Variants in C3orf49 observed in about 807,000 individuals in gnomAD.
C3orf49 encodes the protein putative uncharacterized protein C3orf49.
A neutral mutation model predicts 13.3 loss-of-function variants in C3orf49; 27 were observed. The observed-to-expected ratio is 2.02, with a 90% CI of 1.49 to 2.79. The LOEUF is 2.79. Ranked by LOEUF, C3orf49 falls within the 30% of genes most tolerant of loss-of-function variation. The probability of loss-of-function intolerance (pLI) is 0.00; values close to 1 mark genes in which losing one functional copy is unlikely to be tolerated. For synonymous variants in C3orf49, 87 were observed against 47.6 expected (o/e 1.83, Z -3.40); for missense variants, 242 against 134.2 (o/e 1.80, Z -3.97).
chr3:63,802,150 C>T, the C3orf49 span, among the ~76,000 whole-genome samples: 575 of 152,310 alleles, frequency 3.8e-3, 4 homozygotes, highest in African/African-American at 0.013. Flanking sequence ...TTGAAGATTA[C>T]ATAACTGGAG....
chr3:63,783,843 T>G, the C3orf49 span, among the ~76,000 whole-genome samples: 1 of 151,952 alleles, frequency 6.6e-6, no homozygotes, highest in African/African-American at 2.4e-5. Flanking sequence ...CTACCTGTGG[T>G]CTAGCTGAAT....
chr3:63,801,206 TAGACA>T, the C3orf49 span, among the ~76,000 whole-genome samples: 3 of 152,132 alleles, frequency 2.0e-5, no homozygotes, highest in East Asian at 1.9e-4. Flanking sequence ...AACTGAAGCT[TAGACA>T]AGACAAGTAA....
At chr3:63,789,594 TGAG>T in the C3orf49 span, among the ~76,000 whole-genome samples, 3 of 151,914 alleles carry the variant, frequency 2.0e-5, no homozygotes. Flanking sequence ...GTGGATCACC[TGAG>T]GTCAGGAGTT....
chr3:63,839,213 G>A (rs144123457), intron 5 of C3orf49, among the ~76,000 whole-genome samples: 2 of 152,174 alleles, frequency 1.3e-5, no homozygotes, highest in Admixed American at 6.5e-5. Flanking sequence ...TTAGATATAC[G>A]TGTGTGCGTG....
At chr3:63,805,854 C>A in the C3orf49 span, among the ~76,000 whole-genome samples, 14 of 152,332 alleles carry the variant, frequency 9.2e-5, no homozygotes, top group East Asian at 2.5e-3. Flanking sequence ...CAAAGGCAAC[C>A]AGTGCCTCTG....
At chr3:63,836,349 G>T in intron 5 of C3orf49, 1 of 1,612,372 alleles carries the variant, frequency 6.2e-7, no homozygotes, top group Non-Finnish European at 8.5e-7. Context: ...TTTTGCCAAA[G>T]CATCATATTC....
chr3:63,785,316 C>T, the C3orf49 span, among the ~76,000 whole-genome samples: 1 of 151,814 alleles, frequency 6.6e-6, no homozygotes, highest in African/African-American at 2.4e-5. Context: ...TCATGATCCA[C>T]CTGCCACGGC....
intron 5 of C3orf49, among the ~76,000 whole-genome samples, chr3:63,843,205 A>G (rs755197086): frequency 5.9e-5 from 9 of 151,884 alleles, no homozygotes; most frequent in African/African-American, 2.2e-4. Flanking sequence ...TGCAACCTCT[A>G]TCTCCTGGGT....
intron 3 of C3orf49, among the ~76,000 whole-genome samples, chr3:63,829,881 C>G (rs887469597): frequency 2.0e-5 from 3 of 152,134 alleles, no homozygotes; most frequent in African/African-American, 7.2e-5. Flanking sequence ...GGGAGGATCA[C>G]CGGAGCCCAC....
At chr3:63,829,951 G>A (rs1029786751) in intron 3 of C3orf49, among the ~76,000 whole-genome samples, 3 of 152,150 alleles carry the variant, frequency 2.0e-5, no homozygotes, top group Non-Finnish European at 4.4e-5. Context: ...GGACAACAGA[G>A]TGAGACCTCA....
At chr3:63,814,003 C>A in the C3orf49 span, among the ~76,000 whole-genome samples, 1 of 152,174 alleles carries the variant, frequency 6.6e-6, no homozygotes, top group Non-Finnish European at 1.5e-5. Context: ...GAATAAAAAT[C>A]TAGAATCTCA....
chr3:63,789,527 G>A, the C3orf49 span, among the ~76,000 whole-genome samples: 1 of 152,120 alleles, frequency 6.6e-6, no homozygotes, highest in Admixed American at 6.5e-5. Flanking sequence ...AGTACAACAG[G>A]GGGCCGGGTG....
intron 5 of C3orf49, 34 bp from the exon 6 acceptor site, chr3:63,844,989 T>C (rs947496496): frequency 1.2e-5 from 8 of 682,646 alleles, no homozygotes; most frequent in Admixed American, 4.3e-5. Context: ...ACAATTGAGA[T>C]CTTTACATTT....
chr3:63,788,804 CA>C, the C3orf49 span, among the ~76,000 whole-genome samples: 1 of 151,710 alleles, frequency 6.6e-6, no homozygotes, highest in Non-Finnish European at 1.5e-5. Flanking sequence ...TAGAAACTAA[CA>C]AAGCCCAAAT....
the C3orf49 span, among the ~76,000 whole-genome samples, chr3:63,808,714 G>T: frequency 2.0e-5 from 3 of 152,082 alleles, no homozygotes; most frequent in African/African-American, 7.2e-5. Context: ...GGTAAGGTTG[G>T]TCCCTAGGTA....
At chr3:63,800,335 T>C in the C3orf49 span, among the ~76,000 whole-genome samples, 241 of 152,208 alleles carry the variant, frequency 1.6e-3, no homozygotes, top group African/African-American at 5.6e-3. Flanking sequence ...TGCCAGAAAA[T>C]GTACAACAGA....
intron 1 of C3orf49, among the ~76,000 whole-genome samples, chr3:63,822,805 C>T (rs2107096320): frequency 6.6e-6 from 1 of 152,292 alleles, no homozygotes; most frequent in East Asian, 1.9e-4. Flanking sequence ...CAGACTCTCT[C>T]ATCTTTTATT....
the C3orf49 span, among the ~76,000 whole-genome samples, chr3:63,800,749 A>G: frequency 1.3e-5 from 2 of 152,108 alleles, no homozygotes; most frequent in Admixed American, 1.3e-4. Flanking sequence ...CACTCTTCCC[A>G]TATGTTTTTA....
At chr3:63,789,838 A>T in the C3orf49 span, among the ~76,000 whole-genome samples, 1 of 150,288 alleles carries the variant, frequency 6.7e-6, no homozygotes, top group Admixed American at 6.6e-5. Context: ...AAAAAAAGGA[A>T]GTACAATGGG....
Sources: allele counts gnomAD v4.1 joint callset (sites outside exome capture counted in the v4.1 genomes callset), GRCh38; gene constraint gnomAD v4.1.1; transcripts MANE v1.5; gene names NCBI Gene and HGNC (gene_info 2026-07-23, HGNC 2026-07-21).